The following RUNX2 variants were observed in gnomAD, a reference collection of about 807,000 sequenced individuals.
The protein encoded by RUNX2 is RUNX family transcription factor 2.
RUNX2 carries 10 observed loss-of-function variants against 51.7 expected under a neutral mutation model. The ratio of observed to expected loss-of-function variants is 0.19; its 90% CI spans 0.12 to 0.33. The LOEUF (loss-of-function observed/expected upper bound fraction) is 0.33, where lower values mean the gene tolerates loss of function less well. RUNX2 is among the 10% of genes least tolerant of loss of function. The pLI, the probability that RUNX2 is intolerant of heterozygous loss-of-function variation, is 1.00. For synonymous variants in RUNX2, 276 were observed against 273.6 expected (o/e 1.01, Z -0.09); for missense variants, 562 against 691.3 (o/e 0.81, Z 2.10).
At chr6:45,533,722 C>A (rs1158063854) in intron 7 of RUNX2, among the ~76,000 whole-genome samples, 1 of 152,090 alleles carries the variant, frequency 6.6e-6, no homozygotes, top group Non-Finnish European at 1.5e-5. Flanking sequence ...AAATTCTTTG[C>A]AAAGTCAGTT....
chr6:45,414,064 C>T (rs1471218101), intron 2 of RUNX2, among the ~76,000 whole-genome samples: 1 of 152,118 alleles, frequency 6.6e-6, no homozygotes. Flanking sequence ...GGATCCACTC[C>T]CACACCTGCA....
chr6:45,453,724 AGT>A (rs1265562038), intron 5 of RUNX2, among the ~76,000 whole-genome samples: 2 of 152,116 alleles, frequency 1.3e-5, no homozygotes, highest in African/African-American at 2.4e-5. Flanking sequence ...TGGTTTGGAG[AGT>A]GTGTCAGTGA....
At chr6:45,361,110 A>G (rs1794176113) in intron 2 of RUNX2, among the ~76,000 whole-genome samples, 1 of 152,202 alleles carries the variant, frequency 6.6e-6, no homozygotes. Context: ...TCTCAAAAAT[A>G]CAAAGGTAAT....
chr6:45,509,680 C>T (rs995900344), intron 6 of RUNX2, among the ~76,000 whole-genome samples: 3 of 152,230 alleles, frequency 2.0e-5, no homozygotes, highest in East Asian at 1.9e-4. Context: ...AACTCAGATC[C>T]TCTCACTAGA....
intron 2 of RUNX2, among the ~76,000 whole-genome samples, chr6:45,414,754 CTTTTTTTTTTTTTTTTT>C (rs34672680): frequency 3.6e-3 from 120 of 33,466 alleles, no homozygotes; most frequent in African/African-American, 0.013. Flanking sequence ...CAGATCCTGG[CTTTTTTTTTTTTTTTTT>C]TTTTTTTTTT....
intron 5 of RUNX2, among the ~76,000 whole-genome samples, chr6:45,464,271 G>T (rs1799563670): frequency 6.6e-6 from 1 of 152,122 alleles, no homozygotes; most frequent in Admixed American, 6.5e-5. Flanking sequence ...GTGTATCAGG[G>T]ACTGTGTCTT....
chr6:45,528,276 A>G (rs752341411), intron 7 of RUNX2, among the ~76,000 whole-genome samples: 1 of 152,118 alleles, frequency 6.6e-6, no homozygotes, highest in African/African-American at 2.4e-5. Flanking sequence ...CTCATTCTCA[A>G]AATGTATCTT....
intron 2 of RUNX2, among the ~76,000 whole-genome samples, chr6:45,400,451 C>T (rs1183307742): frequency 7.2e-5 from 11 of 152,110 alleles, no homozygotes; most frequent in African/African-American, 1.9e-4. Context: ...AACTGAGAAA[C>T]GAAGTGGTAA....
chr6:45,328,744 C>CT lies in RUNX2; in HGVS notation c.20dup (p.Ser8GlnfsTer153). 1 of 1,612,176 alleles carries CT rather than the reference C, an allele frequency of 6.2e-7. No individual in the cohort carries two copies. On this transcript the variant is annotated frameshift_variant, in exon 2 of 9. Transcript: ENST00000647337. LOFTEE classifies it high-confidence loss of function. ...GAGGGACTATGGCATCAAACAGCCT[C>CT]TTCAGCACAGTGACACCATGTCAGC...
At chr6:45,364,938 C>G (rs1416249733) in intron 2 of RUNX2, among the ~76,000 whole-genome samples, 1 of 152,086 alleles carries the variant, frequency 6.6e-6, no homozygotes, top group Non-Finnish European at 1.5e-5. Context: ...ATAATTAGAG[C>G]AATTGTGTCC....
chr6:45,541,550 A>G (rs1019751947), intron 7 of RUNX2, among the ~76,000 whole-genome samples: 17 of 152,234 alleles, frequency 1.1e-4, no homozygotes, highest in African/African-American at 3.9e-4. Context: ...TGTTGAAGCA[A>G]TAACTCCTAC....
At chr6:45,407,706 C>T (rs1013529721) in intron 2 of RUNX2, among the ~76,000 whole-genome samples, 3 of 151,738 alleles carry the variant, frequency 2.0e-5, no homozygotes, top group African/African-American at 7.3e-5. Flanking sequence ...CGCTATGTTG[C>T]CCAGGCTGGT....
intron 2 of RUNX2, among the ~76,000 whole-genome samples, chr6:45,396,466 C>T (rs1048365837): frequency 9.2e-5 from 14 of 152,292 alleles, no homozygotes; most frequent in Admixed American, 6.5e-4. Flanking sequence ...AGTTCAGTGG[C>T]ACCATTATAG....
chr6:45,459,075 T>C (rs573936659), intron 5 of RUNX2, among the ~76,000 whole-genome samples: 1 of 152,244 alleles, frequency 6.6e-6, no homozygotes, highest in South Asian at 2.1e-4. Flanking sequence ...TCTGGATTTC[T>C]TGACATCCCA....
At chr6:45,471,648 G>T (rs1191188218) in intron 5 of RUNX2, among the ~76,000 whole-genome samples, 6 of 152,040 alleles carry the variant, frequency 3.9e-5, no homozygotes, top group Non-Finnish European at 8.8e-5. Flanking sequence ...GTTTCACCTT[G>T]TTAGCCAGGA....
intron 7 of RUNX2, among the ~76,000 whole-genome samples, chr6:45,532,633 G>T (rs544152664): frequency 1.3e-5 from 2 of 152,250 alleles, no homozygotes; most frequent in East Asian, 3.9e-4. Context: ...TTCCTCCTCT[G>T]CACCTTTCCT....
chr6:45,368,179 G>C (rs777181613), intron 2 of RUNX2, among the ~76,000 whole-genome samples: 8 of 152,124 alleles, frequency 5.3e-5, no homozygotes, highest in Non-Finnish European at 1.2e-4. Context: ...AAATGCATCT[G>C]TTTGCCATAT....
At chr6:45,345,751 C>A (rs1420556187) in intron 2 of RUNX2, among the ~76,000 whole-genome samples, 1 of 152,182 alleles carries the variant, frequency 6.6e-6, no homozygotes, top group African/African-American at 2.4e-5. Flanking sequence ...TCAATGCACA[C>A]CGTACCTTTA....
chr6:45,486,752 T>G (rs1406138767), intron 5 of RUNX2, among the ~76,000 whole-genome samples: 1 of 152,182 alleles, frequency 6.6e-6, no homozygotes, highest in African/African-American at 2.4e-5. Context: ...GAATGTAAGT[T>G]TCTGGCTGGG....
Sources: gnomAD v4.1 joint callset for allele counts (sites outside exome capture counted in the v4.1 genomes callset) on GRCh38, gnomAD v4.1.1 for gene constraint, MANE v1.5 for transcripts, NCBI Gene and HGNC (gene_info 2026-07-23, HGNC 2026-07-21) for gene names.